DPP10: variants seen among roughly 807,000 people sequenced by gnomAD.
The protein encoded by DPP10 is inactive dipeptidyl peptidase 10.
A neutral mutation model predicts 120.9 loss-of-function variants in DPP10; 33 were observed. The observed-to-expected ratio is 0.27, with a 90% confidence interval of 0.21 to 0.37. The LOEUF (loss-of-function observed/expected upper bound fraction) is 0.37. Among genes scored for constraint, DPP10 ranks in the 10% least tolerant of loss-of-function variants. The pLI, the probability that DPP10 is intolerant of heterozygous loss-of-function variation, is 1.00. For missense variants in DPP10, 816 were observed against 942.8 expected (o/e 0.87, Z 1.76); for synonymous variants, 337 against 326.1 (o/e 1.03, Z -0.36).
At chr2:115,677,102 G>A (rs1159097243) in intron 5 of DPP10, among the ~76,000 whole-genome samples, 1 of 152,076 alleles carries the variant, frequency 6.6e-6, no homozygotes, top group African/African-American at 2.4e-5. Context: ...CTATCCTTTA[G>A]AAATTAAGGA....
chr2:114,752,067 G>T (rs1018553120), intron 1 of DPP10, among the ~76,000 whole-genome samples: 1 of 152,206 alleles, frequency 6.6e-6, no homozygotes, highest in African/African-American at 2.4e-5. Flanking sequence ...TGAGGCAGTT[G>T]TCTGGGGTGG....
chr2:114,718,887 G>T (rs1701526040), intron 1 of DPP10, among the ~76,000 whole-genome samples: 2 of 152,146 alleles, frequency 1.3e-5, no homozygotes, highest in African/African-American at 2.4e-5. Context: ...AGGGGATTTT[G>T]TGACAATAAT....
intron 7 of DPP10, among the ~76,000 whole-genome samples, chr2:115,716,290 A>C (rs1368875900): frequency 6.6e-6 from 1 of 152,214 alleles, no homozygotes; most frequent in East Asian, 1.9e-4. Context: ...AGAATTAGGC[A>C]TTACTCTGTT....
intron 1 of DPP10, among the ~76,000 whole-genome samples, chr2:114,506,657 A>G (rs1683684986): frequency 1.3e-5 from 2 of 152,050 alleles, no homozygotes; most frequent in African/African-American, 4.8e-5. Context: ...CCGGCACCCA[A>G]AAACACTCAT....
chr2:114,529,263 C>A (rs1023301093), intron 1 of DPP10, among the ~76,000 whole-genome samples: 1 of 152,090 alleles, frequency 6.6e-6, no homozygotes, highest in South Asian at 2.1e-4. Context: ...TTCTTTAGGC[C>A]AACCACTTTT....
At chr2:115,596,954 C>G (rs1048083610) in intron 5 of DPP10, among the ~76,000 whole-genome samples, 1 of 152,154 alleles carries the variant, frequency 6.6e-6, no homozygotes, top group African/African-American at 2.4e-5. Flanking sequence ...TAACTCGTTT[C>G]ATAATTAGAT....
At chr2:114,505,821 C>T (rs1330702685) in intron 1 of DPP10, among the ~76,000 whole-genome samples, 1 of 152,164 alleles carries the variant, frequency 6.6e-6, no homozygotes, top group Non-Finnish European at 1.5e-5. Context: ...TATCTATGAA[C>T]TTATATGGTA....
rs70937289 is a variant in DPP10, at chr2:114,556,269, A to ATATATATATATG, written c.60+113431_60+113432insTATATATATATG. Among the ~76,000 whole-genome samples the ATATATATATATG allele has an allele frequency of 1.7e-4, 24 of 139,450 alleles. 1 individual carries two copies. The highest frequency in any genetic ancestry group is 5.6e-4 in the African/African-American group (21 of 37,634). The allele number at this position is 139,450 out of a possible 152,430, so 91.5% of individuals were successfully genotyped here. The stretch of plus-strand genomic sequence containing the variant: ...TATATATATATATATATATATATAT[A>ATATATATATATG]GGCAAATAATAGATGATAGATGAGT... On this transcript the variant is annotated intron_variant, in intron 1 of 25. Transcript: ENST00000410059.
chr2:115,183,078 G>A (rs2054188213), intron 1 of DPP10, among the ~76,000 whole-genome samples: 2 of 151,996 alleles, frequency 1.3e-5, no homozygotes, highest in African/African-American at 2.4e-5. Flanking sequence ...CATTAACTAA[G>A]GGAAAATTTT....
chr2:114,519,193 T>C (rs966505914), intron 1 of DPP10, among the ~76,000 whole-genome samples: 2 of 152,224 alleles, frequency 1.3e-5, no homozygotes, highest in African/African-American at 4.8e-5. Context: ...GTACTGAGGC[T>C]GACAGACAGT....
chr2:115,698,964 C>A, intron 7 of DPP10, among the ~76,000 whole-genome samples: 1 of 124,474 alleles, frequency 8.0e-6, no homozygotes, highest in Non-Finnish European at 1.7e-5. Context: ...TCACTAAAAT[C>A]AAAAGTTGGT....
chr2:115,408,293 C>T (rs1480182862), intron 3 of DPP10, among the ~76,000 whole-genome samples: 2 of 152,082 alleles, frequency 1.3e-5, no homozygotes, highest in Non-Finnish European at 2.9e-5. Flanking sequence ...TCCTGAGGCT[C>T]CACCCCAATC....
chr2:115,656,840 T>C (rs2088399687), intron 5 of DPP10, among the ~76,000 whole-genome samples: 1 of 151,686 alleles, frequency 6.6e-6, no homozygotes, highest in Admixed American at 6.6e-5. Flanking sequence ...TGTATAAAAT[T>C]TGAGAAGTGC....
chr2:115,738,648 C>T (rs1676896824), intron 8 of DPP10, among the ~76,000 whole-genome samples: 1 of 152,160 alleles, frequency 6.6e-6, no homozygotes, highest in African/African-American at 2.4e-5. Flanking sequence ...TGATTGATTA[C>T]TCACAGTTCC....
intron 1 of DPP10, among the ~76,000 whole-genome samples, chr2:114,927,899 C>T (rs1298278872): frequency 6.6e-6 from 1 of 152,070 alleles, no homozygotes; most frequent in Non-Finnish European, 1.5e-5. Context: ...GATCACAAGG[C>T]AAGTAGGGGG....
chr2:114,460,147 G>A lies in DPP10; in HGVS notation c.60+17309G>A, dbSNP rs754349787. On this transcript the variant is annotated intron_variant, in intron 1 of 25. Transcript: ENST00000410059. ...TTTACTTTCTGAAAATCATTCCATA[G>A]CAACCGAATGCATTTGGGATGATAT... Among the ~76,000 whole-genome samples the A allele has an allele frequency of 1.2e-4, 18 of 151,798 alleles. No homozygotes were observed. The South Asian group carries it at 2.1e-3, about 18-fold the overall frequency.
chr2:115,517,727 G>A (rs1000815554), intron 4 of DPP10, among the ~76,000 whole-genome samples: 4 of 152,228 alleles, frequency 2.6e-5, no homozygotes, highest in African/African-American at 9.6e-5. Flanking sequence ...GACAAAAGCT[G>A]CAATTAATCC....
At position 115,163,636 on chromosome 2, in the gene DPP10, C is replaced by T. The variant is rs956533047; in HGVS notation, c.61-145603C>T. Among the ~76,000 whole-genome samples, 47 of 152,150 alleles carry T rather than the reference C, an allele frequency of 3.1e-4. 1 individual carries two copies. The highest frequency in any genetic ancestry group is 1.1e-3 in the African/African-American group (46 of 41,448). ...TTTCAGAACGGGAACATGGATTGAACATCCTCTTTCAGGCTGACAGCCCTT... is the reference window on the plus strand; with the variant it reads ...TTTCAGAACGGGAACATGGATTGAATATCCTCTTTCAGGCTGACAGCCCTT... On this transcript the variant is annotated intron_variant, in intron 1 of 25. Coordinates refer to ENST00000410059, the MANE Select transcript of DPP10 (RefSeq NM_020868.6).
intron 1 of DPP10, among the ~76,000 whole-genome samples, chr2:115,245,233 CTATT>C (rs1419974971): frequency 1.3e-5 from 2 of 151,972 alleles, no homozygotes; most frequent in South Asian, 2.1e-4. Flanking sequence ...TCTTCTTTAT[CTATT>C]CATTGGTGAA....
Sources: allele counts gnomAD v4.1 joint callset (sites outside exome capture counted in the v4.1 genomes callset), GRCh38; gene constraint gnomAD v4.1.1; transcripts MANE v1.5; gene names NCBI Gene and HGNC (gene_info 2026-07-23, HGNC 2026-07-21).